UTP25: variants seen among roughly 807,000 people sequenced by gnomAD.
UTP25 encodes the protein UTP25 small subunit processome component, also known as U3 small nucleolar RNA-associated protein 25 homolog.
UTP25 carries 50 observed loss-of-function variants against 78.9 expected under a neutral mutation model. That is an observed-to-expected ratio of 0.63 (90% confidence interval 0.50 to 0.80). UTP25 has a LOEUF of 0.80. Ranked by LOEUF, UTP25 falls within the 30% of genes least tolerant of loss-of-function variation. UTP25 has a pLI of 0.00. For missense variants in UTP25, 846 were observed against 911.3 expected (o/e 0.93, Z 0.92); for synonymous variants, 329 against 336.5 (o/e 0.98, Z 0.24).
chr1:209,847,396 CTTA>C (rs1433507459), intron 11 of UTP25, among the ~76,000 whole-genome samples: 2 of 152,216 alleles, frequency 1.3e-5, no homozygotes, highest in African/African-American at 4.8e-5. Context: ...ACTCACATCT[CTTA>C]TTTTTTCTTC....
chr1:209,838,158 T>C (rs954279242), intron 6 of UTP25, among the ~76,000 whole-genome samples: 2 of 152,244 alleles, frequency 1.3e-5, no homozygotes, highest in Non-Finnish European at 2.9e-5. Context: ...TAGAATTACA[T>C]AGAAGAATAA....
chr1:209,839,168 G>T (rs779723608), intron 7 of UTP25, 40 bp downstream of exon 7: 4 of 1,538,684 alleles, frequency 2.6e-6, no homozygotes, highest in East Asian at 4.5e-5. Flanking sequence ...AAAGTGTGAA[G>T]GTCTACATAG....
chr1:209,830,982 T>C lies in UTP25; in HGVS notation c.327T>C (p.Asp109=), dbSNP rs1426608908. ...IVDDAEMNDE[D]GGSDVSVEEE... Reference sequence around the variant, plus strand: ...ATGATGCAGAAATGAACGATGAAGATGGTGGTAGCGATGTCAGTGTGGAAG... The same window carrying C: ...ATGATGCAGAAATGAACGATGAAGACGGTGGTAGCGATGTCAGTGTGGAAG... The change falls in exon 3 of 12, where the codon GAT becomes GAC. Residue 109 remains aspartate, a synonymous_variant. Transcript: ENST00000491415. 1 of 1,614,018 alleles carries C rather than the reference T, an allele frequency of 6.2e-7. No homozygotes were observed. Among genetic ancestry groups the C allele is most frequent in the Non-Finnish European group, 8.5e-7 (1 of 1,179,950 alleles).
rs1199331896 is a variant in UTP25 at position 209,854,770 on chromosome 1, G to A, written c.*3323G>A. ...GAAGAGCCTCATTGTCCAACTGCAG[G>A]GGCCTGAGGTGCCCAAAGCTTCGTG... On this transcript the variant is annotated 3_prime_UTR_variant, in exon 12 of 12. Transcript: ENST00000491415. 1 of 152,228 alleles carries A rather than the reference G, an allele frequency of 6.6e-6. No individual in the cohort carries two copies. Among genetic ancestry groups the A allele is most frequent in the East Asian group, 1.9e-4 (1 of 5,196 alleles). The allele number at this position is 152,228 out of a possible 1,614,324, so 9.4% of individuals were successfully genotyped here. A position where few individuals can be genotyped will look rare whatever the true frequency, so the allele number is the denominator to read the frequency against.
intron 6 of UTP25, among the ~76,000 whole-genome samples, 200 bp downstream of exon 6, chr1:209,837,411 T>G (rs1224914986): frequency 6.6e-6 from 1 of 152,214 alleles, no homozygotes; most frequent in Non-Finnish European, 1.5e-5. Flanking sequence ...TGACAGTGGA[T>G]GTAGCTGGAA....
In UTP25 at chr1:209,852,732, G is replaced by T. The variant is rs1273526800; in HGVS notation, c.*1285G>T. On this transcript the variant is annotated 3_prime_UTR_variant, in exon 12 of 12. Coordinates refer to ENST00000491415, the MANE Select transcript of UTP25 (RefSeq NM_014388.7). ...AGGTTAGATTGGAGTGCTTACTATT[G>T]TGGTGCCACTCATCCCAGGCTCAGT... 2 of 150,114 alleles carry T rather than the reference G, an allele frequency of 1.3e-5. No individual in the cohort carries two copies. The highest frequency in any genetic ancestry group is 4.8e-5 in the African/African-American group (2 of 41,324). 9.3% of individuals were successfully genotyped at this position (150,114 alleles called of 1,614,324 possible).
In UTP25 at chr1:209,843,605, C is replaced by T; in HGVS notation, c.1936C>T (p.Gln646Ter). The T allele has an allele frequency of 1.2e-6, 2 of 1,614,138 alleles. No individual in the cohort carries two copies. Among genetic ancestry groups the T allele is most frequent in the Non-Finnish European group, 1.7e-6 (2 of 1,180,008 alleles). Residue 646 changes from glutamine to a stop codon, truncating the protein, a stop_gained, in exon 11 of 12, where the codon CAG becomes TAG. Coordinates refer to ENST00000491415, the MANE Select transcript of UTP25 (RefSeq NM_014388.7). LOFTEE classifies it high-confidence loss of function. Reference protein sequence around the residue: ...LNFTHICEYTQKSGVSRARHF... With the variant: ...LNFTHICEYT ...TTTTACCCACATCTGCGAGTACACG[C>T]AGAAGTCTGGTGTCTCCAGGGCCAG...
At position 209,853,175 on chromosome 1, in the gene UTP25, T is replaced by G. The variant is rs2078250660; in HGVS notation, c.*1728T>G. 6.6e-6 allele frequency: 1 copy of G among 152,178 alleles called. No individual in the cohort carries two copies. Among genetic ancestry groups the G allele is most frequent in the Admixed American group, 6.5e-5 (1 of 15,284 alleles). 9.4% of individuals were successfully genotyped at this position (152,178 alleles called of 1,614,324 possible). A position where few individuals can be genotyped will look rare whatever the true frequency, so the allele number is the denominator to read the frequency against. Reference sequence around the variant, plus strand: ...GATGGTTTTCTAAATTTCAGAAAATTTAGTTAGATAAAAGCCGACCGAACC... The same window carrying G: ...GATGGTTTTCTAAATTTCAGAAAATGTAGTTAGATAAAAGCCGACCGAACC... On this transcript the variant is annotated 3_prime_UTR_variant, in exon 12 of 12. Coordinates refer to ENST00000491415, the MANE Select transcript of UTP25 (RefSeq NM_014388.7).
At position 209,838,869 on chromosome 1, in the gene UTP25, TCCTC is replaced by T. The variant is rs780152654; in HGVS notation, c.1063-39_1063-36del. The T allele has an allele frequency of 1.9e-6, 3 of 1,604,760 alleles. No homozygotes were observed. In the South Asian group the frequency reaches 3.3e-5, roughly 18 times the overall value. On this transcript the variant is annotated intron_variant, in intron 6 of 11. Transcript: ENST00000491415. ...AGTTTCACCTCAAGATCCTGTTCCT[TCCTC>T]TTACCCCACTAAGGCTGCTGTTGCT...
intron 11 of UTP25, among the ~76,000 whole-genome samples, chr1:209,850,752 G>A (rs11119354): frequency 0.2 from 29,814 of 152,194 alleles, 3,012 homozygotes; most frequent in African/African-American, 0.24. Flanking sequence ...AGAGTGGCAA[G>A]AAAAGACTAA....
chr1:209,856,912 A>T lies in UTP25; in HGVS notation c.*5465A>T, dbSNP rs1351949103. 2.6e-5 allele frequency: 4 copies of T among 152,264 alleles called. No individual in the cohort carries two copies. The highest frequency in any genetic ancestry group is 9.6e-5 in the African/African-American group (4 of 41,470). The allele number at this position is 152,264 out of a possible 1,614,324, so 9.4% of individuals were successfully genotyped here. A position where few individuals can be genotyped will look rare whatever the true frequency, so the allele number is the denominator to read the frequency against. ...GAAACAGTGATCGTTGCAGAAAAAT[A>T]ATTAGCAAGAGAACAGACTTCAGCT... On this transcript the variant is annotated 3_prime_UTR_variant, in exon 12 of 12. Coordinates refer to ENST00000491415, the MANE Select transcript of UTP25 (RefSeq NM_014388.7).
At chr1:209,850,496 T>C (rs1169457399) in intron 11 of UTP25, among the ~76,000 whole-genome samples, 1 of 152,220 alleles carries the variant, frequency 6.6e-6, no homozygotes, top group Non-Finnish European at 1.5e-5. Context: ...TGTCAACATA[T>C]AAAATCTTTT....
In UTP25 at chr1:209,830,126, A is replaced by G; in HGVS notation, c.126A>G (p.Ala42=). The change falls in exon 2 of 12, where the codon GCA becomes GCG. Residue 42 remains alanine (A), a synonymous_variant. Transcript: ENST00000491415. ...PFYDRVSRKE[A]KPQICQLSES... is the part of the protein sequence containing the mutation. ...TTTTTAGGGTTTCCAGAAAGGAAGC[A>G]AAGCCACAGATTTGTCAACTGGTAA... 1.2e-6 allele frequency: 2 copies of G among 1,612,382 alleles called. No homozygotes were observed. Among genetic ancestry groups the G allele is most frequent in the Non-Finnish European group, 1.7e-6 (2 of 1,178,908 alleles).
intron 3 of UTP25, among the ~76,000 whole-genome samples, chr1:209,831,867 T>G (rs888619670): frequency 6.6e-6 from 1 of 152,214 alleles, no homozygotes; most frequent in African/African-American, 2.4e-5. Context: ...TTTTTCTAAT[T>G]TATTTGTGTT....
chr1:209,852,345 A>G lies in UTP25; in HGVS notation c.*898A>G, dbSNP rs984481329. ...ACTTTAGTATATATTTCCTGTAAAC[A>G]ATTAAGGGTATTGTTTGTGATTAGG... On this transcript the variant is annotated 3_prime_UTR_variant, in exon 12 of 12. Transcript: ENST00000491415. 2 of 152,184 alleles carry G rather than the reference A, an allele frequency of 1.3e-5. No individual in the cohort carries two copies. Among genetic ancestry groups the G allele is most frequent in the African/African-American group, 4.8e-5 (2 of 41,428 alleles). The allele number at this position is 152,184 out of a possible 1,614,324, so 9.4% of individuals were successfully genotyped here. A position where few individuals can be genotyped will look rare whatever the true frequency, so the allele number is the denominator to read the frequency against.
At position 209,839,115 on chromosome 1, in the gene UTP25, C is replaced by A; in HGVS notation, c.1269C>A (p.Asp423Glu). ...YEAVFVGNID[D>E]HFRIGVAILQ... ...CCGTATTTGTGGGCAATATTGATGA[C>A]CACTTCAGGATTGGTAATTCTTCCT... The change falls in exon 7 of 12, where the codon GAC becomes GAA. Residue 423 changes from aspartate (D) to glutamate (E), a missense_variant. Asp to Glu is a conservative substitution (Grantham distance 45). Coordinates refer to ENST00000491415, the MANE Select transcript of UTP25 (RefSeq NM_014388.7). 6.2e-7 allele frequency: 1 copy of A among 1,611,200 alleles called. No individual in the cohort carries two copies. Among genetic ancestry groups the A allele is most frequent in the South Asian group, 1.1e-5 (1 of 90,810 alleles).
At position 209,834,960 on chromosome 1, in the gene UTP25, C is replaced by T. The variant is rs549590401; in HGVS notation, c.563-115C>T. 5.3e-6 allele frequency: 4 copies of T among 755,924 alleles called. No homozygotes were observed. In the Admixed American group the frequency reaches 1.2e-4, roughly 22 times the overall value. The allele number at this position is 755,924 out of a possible 1,614,324, so 46.8% of individuals were successfully genotyped here. On this transcript the variant is annotated intron_variant, in intron 4 of 11. Transcript: ENST00000491415. ...GACTTGGCCAGAGGGTGGGGAAAGT[C>T]AATGGAGAAAAGGATGAGTTAACAC...
chr1:209,839,931 AG>A (rs1354768334), intron 7 of UTP25, among the ~76,000 whole-genome samples: 1 of 152,170 alleles, frequency 6.6e-6, no homozygotes, highest in Non-Finnish European at 1.5e-5. Flanking sequence ...GTCGTGGTGG[AG>A]GTGTCATCTG....
At chr1:209,845,951 G>C (rs1364699091) in intron 11 of UTP25, among the ~76,000 whole-genome samples, 1 of 151,236 alleles carries the variant, frequency 6.6e-6, no homozygotes. Flanking sequence ...CTGCCTCTTG[G>C]GTTCAAGCAA....
Sources: gnomAD v4.1 joint callset for allele counts (sites outside exome capture counted in the v4.1 genomes callset) on GRCh38, gnomAD v4.1.1 for gene constraint, MANE v1.5 for transcripts, NCBI Gene and HGNC (gene_info 2026-07-23, HGNC 2026-07-21) for gene names.